TSNARE1: variants seen among roughly 807,000 people sequenced by gnomAD.
TSNARE1 encodes t-SNARE domain-containing protein 1.
In TSNARE1, 49 loss-of-function variants were observed where a neutral mutation model predicts 62.0. That is an observed-to-expected ratio of 0.79 (90% CI 0.63 to 1.00). The LOEUF (loss-of-function observed/expected upper bound fraction) is 1.00, where lower values mean the gene tolerates loss of function less well. TSNARE1 is among the 50% of genes least tolerant of loss of function. TSNARE1 has a pLI of 0.00. For missense variants in TSNARE1, 755 were observed against 700.1 expected (o/e 1.08, Z -0.88); for synonymous variants, 328 against 294.4 (o/e 1.11, Z -1.17).
At chr8:142,254,612 G>A (rs1022752567) in intron 12 of TSNARE1, among the ~76,000 whole-genome samples, 2 of 152,044 alleles carry the variant, frequency 1.3e-5, no homozygotes, top group African/African-American at 4.8e-5. Context: ...GGCAGAACAC[G>A]CTTCCTCCCC....
intron 12 of TSNARE1, chr8:142,270,374 T>C: frequency 1.0e-6 from 1 of 985,452 alleles, no homozygotes; most frequent in Non-Finnish European, 1.2e-6. Context: ...GCCGCACTGC[T>C]GCCTGCTTTG....
chr8:142,280,031 G>A (rs1821152538), intron 11 of TSNARE1: 1 of 1,226,366 alleles, frequency 8.2e-7, no homozygotes, highest in Non-Finnish European at 1.0e-6. Context: ...AGGTCCCCCA[G>A]GTCGCGGCGG....
At chr8:142,312,925 G>C (rs1054940517) in intron 9 of TSNARE1, among the ~76,000 whole-genome samples, 2 of 152,242 alleles carry the variant, frequency 1.3e-5, no homozygotes, top group African/African-American at 4.8e-5. Flanking sequence ...CTGGGAATGC[G>C]TGCCTCTCTA....
intron 12 of TSNARE1, among the ~76,000 whole-genome samples, chr8:142,262,910 G>A (rs913851684): frequency 6.6e-5 from 10 of 152,146 alleles, no homozygotes; most frequent in Non-Finnish European, 1.0e-4. Flanking sequence ...GACTATGTAC[G>A]GAAACGCCTT....
intron 1 of TSNARE1, among the ~76,000 whole-genome samples, chr8:142,380,240 T>C (rs1376141078): frequency 6.6e-6 from 1 of 152,146 alleles, no homozygotes; most frequent in Non-Finnish European, 1.5e-5. Flanking sequence ...CTGCAGCACG[T>C]CCATGGGGAG....
intron 12 of TSNARE1, among the ~76,000 whole-genome samples, chr8:142,255,917 CCAT>C (rs202177453): frequency 4.6e-5 from 1 of 21,906 alleles, no homozygotes; most frequent in Non-Finnish European, 1.4e-4. Context: ...ATCACCACCA[CCAT>C]CACCATCACC....
intron 11 of TSNARE1, among the ~76,000 whole-genome samples, chr8:142,283,051 A>C (rs1821918168): frequency 6.8e-6 from 1 of 147,116 alleles, no homozygotes; most frequent in Non-Finnish European, 1.5e-5. Context: ...AGGCGGGACC[A>C]GTGTCTGTCA....
chr8:142,271,374 A>G (rs946498601), intron 12 of TSNARE1: 5 of 1,213,698 alleles, frequency 4.1e-6, no homozygotes, highest in Middle Eastern at 3.2e-4. Flanking sequence ...TGCTGGGCCC[A>G]GGAGGACAGC....
At chr8:142,400,759 ATG>A (rs1379474413) in intron 1 of TSNARE1, among the ~76,000 whole-genome samples, 1 of 152,202 alleles carries the variant, frequency 6.6e-6, no homozygotes, top group African/African-American at 2.4e-5. Flanking sequence ...CTCGGAAGAA[ATG>A]TGTCTGTCTG....
At chr8:142,266,048 C>T (rs996134111) in intron 12 of TSNARE1, among the ~76,000 whole-genome samples, 33 of 152,338 alleles carry the variant, frequency 2.2e-4, no homozygotes, top group Middle Eastern at 3.4e-3. Flanking sequence ...TCTTGCAGAA[C>T]AGAAGTTTCC....
chr8:142,314,688 C>T (rs1478984705), intron 8 of TSNARE1, among the ~76,000 whole-genome samples: 1 of 152,210 alleles, frequency 6.6e-6, no homozygotes, highest in Non-Finnish European at 1.5e-5. Flanking sequence ...CGCTGGATGG[C>T]CTCTGTCCAC....
chr8:142,371,224 A>G (rs187480154), intron 1 of TSNARE1, among the ~76,000 whole-genome samples: 1 of 152,360 alleles, frequency 6.6e-6, no homozygotes. Flanking sequence ...TTCCATTAAC[A>G]AAAACTCCAG....
intron 1 of TSNARE1, among the ~76,000 whole-genome samples, chr8:142,367,504 C>A (rs1835639080): frequency 7.9e-6 from 1 of 126,184 alleles, no homozygotes; most frequent in Non-Finnish European, 1.5e-5. Flanking sequence ...AGAAAGCAGA[C>A]AGATGGACGC....
chr8:142,306,983 G>A (rs1253479786), intron 9 of TSNARE1, among the ~76,000 whole-genome samples: 1 of 152,184 alleles, frequency 6.6e-6, no homozygotes, highest in Non-Finnish European at 1.5e-5. Context: ...CCCAACAGAG[G>A]AGAACCCAGT....
chr8:142,315,221 C>T, intron 7 of TSNARE1, 129 bp from the exon 8 acceptor site: 1 of 888,890 alleles, frequency 1.1e-6, no homozygotes, highest in South Asian at 1.6e-5. Context: ...CCATCAACTA[C>T]TTCCCCTCCG....
At chr8:142,306,381 AGGT>A (rs1397836676) in intron 9 of TSNARE1, among the ~76,000 whole-genome samples, 1 of 152,204 alleles carries the variant, frequency 6.6e-6, no homozygotes, top group East Asian at 1.9e-4. Context: ...ATGTAGGCTG[AGGT>A]GGCCAGTGAC....
chr8:142,367,793 C>A (rs567583235), intron 1 of TSNARE1, among the ~76,000 whole-genome samples: 1 of 152,128 alleles, frequency 6.6e-6, no homozygotes, highest in South Asian at 2.1e-4. Flanking sequence ...AATAGAGCCA[C>A]GTACACATGG....
chr8:142,341,642 A>G (rs775369831), intron 4 of TSNARE1, among the ~76,000 whole-genome samples: 1 of 152,092 alleles, frequency 6.6e-6, no homozygotes, highest in Non-Finnish European at 1.5e-5. Flanking sequence ...CCCACCCGGG[A>G]CCACCTCCTC....
At chr8:142,402,437 A>G (rs1026553230) in intron 1 of TSNARE1, among the ~76,000 whole-genome samples, 1 of 152,250 alleles carries the variant, frequency 6.6e-6, no homozygotes, top group Non-Finnish European at 1.5e-5. Flanking sequence ...ACCACACTGG[A>G]CATGGCAGAG....
Sources: gnomAD v4.1 joint callset for allele counts (sites outside exome capture counted in the v4.1 genomes callset) on GRCh38, gnomAD v4.1.1 for gene constraint, MANE v1.5 for transcripts, NCBI Gene and HGNC (gene_info 2026-07-23, HGNC 2026-07-21) for gene names.